MAN1A1: variants seen among roughly 807,000 people sequenced by gnomAD.
The protein encoded by MAN1A1 is mannosyl-oligosaccharide 1,2-alpha-mannosidase IA.
In MAN1A1, 29 loss-of-function variants were observed where a neutral mutation model predicts 70.8. The ratio of observed to expected loss-of-function variants is 0.41; its 90% CI spans 0.31 to 0.56. MAN1A1 has a LOEUF of 0.56. Ranked by LOEUF, MAN1A1 falls within the 20% of genes least tolerant of loss-of-function variation. The pLI is 0.29. For synonymous variants in MAN1A1, 349 were observed against 330.1 expected, an observed-to-expected ratio of 1.06 and a Z score of -0.62; for missense variants, 747 against 841.3, an observed-to-expected ratio of 0.89 and a Z score of 1.39.
chr6:119,297,548 T>C (rs766038895), intron 4 of MAN1A1, among the ~76,000 whole-genome samples: 14 of 152,122 alleles, frequency 9.2e-5, no homozygotes, highest in Non-Finnish European at 1.9e-4. Context: ...AGGCAGACTG[T>C]GTTCAAACCA....
intron 6 of MAN1A1, among the ~76,000 whole-genome samples, chr6:119,234,330 GAA>G (rs1774776923): frequency 6.6e-6 from 1 of 152,204 alleles, no homozygotes; most frequent in South Asian, 2.1e-4. Flanking sequence ...TCTTCCAGAG[GAA>G]AAGTTTCAGG....
intron 7 of MAN1A1, among the ~76,000 whole-genome samples, chr6:119,203,518 G>A (rs1226697803): frequency 6.6e-6 from 1 of 152,054 alleles, no homozygotes; most frequent in Non-Finnish European, 1.5e-5. Flanking sequence ...TACTCTGAGT[G>A]TCATGAGAAG....
At chr6:119,184,592 A>G (rs1205726242) in intron 11 of MAN1A1, among the ~76,000 whole-genome samples, 1 of 152,156 alleles carries the variant, frequency 6.6e-6, no homozygotes, top group East Asian at 1.9e-4. Context: ...AGGAGTAGGA[A>G]GGAGGAAAAG....
chr6:119,318,476 G>A (rs1772913445), intron 2 of MAN1A1, among the ~76,000 whole-genome samples: 1 of 152,200 alleles, frequency 6.6e-6, no homozygotes, highest in Admixed American at 6.5e-5. Flanking sequence ...CAATCTGGGG[G>A]AAACTTGGCT....
intron 6 of MAN1A1, among the ~76,000 whole-genome samples, chr6:119,226,254 A>G (rs1355936290): frequency 6.6e-6 from 1 of 152,206 alleles, no homozygotes; most frequent in Non-Finnish European, 1.5e-5. Flanking sequence ...GAAAGGAGTG[A>G]AAGGAACAGC....
intron 2 of MAN1A1, among the ~76,000 whole-genome samples, chr6:119,343,769 C>T (rs1006412740): frequency 2.0e-5 from 3 of 152,072 alleles, no homozygotes; most frequent in African/African-American, 7.2e-5. Context: ...AGTGGCTGTT[C>T]CTATTTTGAC....
intron 6 of MAN1A1, among the ~76,000 whole-genome samples, chr6:119,218,796 C>A (rs1282120041): frequency 2.6e-5 from 4 of 152,118 alleles, no homozygotes; most frequent in Admixed American, 2.6e-4. Context: ...CTGGTTCACA[C>A]CTGGCACCCT....
intron 5 of MAN1A1, among the ~76,000 whole-genome samples, chr6:119,264,765 T>C (rs911388705): frequency 6.6e-6 from 1 of 152,190 alleles, no homozygotes; most frequent in African/African-American, 2.4e-5. Context: ...CTGTTTTCTC[T>C]TTTCATACAG....
chr6:119,258,545 T>C (rs911796105), intron 5 of MAN1A1, among the ~76,000 whole-genome samples: 1 of 152,154 alleles, frequency 6.6e-6, no homozygotes, highest in African/African-American at 2.4e-5. Context: ...CCATTTTATA[T>C]AAGGTACTTG....
chr6:119,248,944 A>C (rs1775243281), intron 5 of MAN1A1, among the ~76,000 whole-genome samples: 1 of 152,236 alleles, frequency 6.6e-6, no homozygotes, highest in African/African-American at 2.4e-5. Flanking sequence ...GTCTGCCCAG[A>C]GTTTACTAGG....
chr6:119,335,729 G>A (rs1306173683), intron 2 of MAN1A1, among the ~76,000 whole-genome samples: 1 of 152,200 alleles, frequency 6.6e-6, no homozygotes, highest in African/African-American at 2.4e-5. Flanking sequence ...TTGAGCAAGT[G>A]AGAAGACTCT....
chr6:119,299,718 T>C (rs1772332977), intron 4 of MAN1A1, among the ~76,000 whole-genome samples: 1 of 152,196 alleles, frequency 6.6e-6, no homozygotes, highest in South Asian at 2.1e-4. Context: ...TAGTCTGATA[T>C]CCCCTACTAA....
intron 6 of MAN1A1, among the ~76,000 whole-genome samples, chr6:119,235,890 C>T (rs899474722): frequency 2.6e-5 from 4 of 152,164 alleles, no homozygotes; most frequent in African/African-American, 9.7e-5. Context: ...GTAATTCCAG[C>T]ACTTTGGGAG....
At chr6:119,267,704 C>CA (rs1775797202) in intron 5 of MAN1A1, among the ~76,000 whole-genome samples, 2 of 152,150 alleles carry the variant, frequency 1.3e-5, no homozygotes. Context: ...CTCTCTCCCC[C>CA]AAAGTAACCA....
rs117159981 is a variant in MAN1A1 at position 119,227,005 on chromosome 6, A to G, written c.992+21255T>C. Among the ~76,000 whole-genome samples, 907 of 152,276 alleles carry G rather than the reference A, an allele frequency of 6.0e-3. 31 individuals are homozygous for G. The East Asian group carries it at 0.091, about 15-fold the overall frequency. ...ATTTTCATAAGCAGTTTTACTTATG[A>G]TCACTGAAAATTAGAGATAACACAA... On this transcript the variant is annotated intron_variant, in intron 6 of 12. Coordinates refer to ENST00000368468, the MANE Select transcript of MAN1A1 (RefSeq NM_005907.4).
chr6:119,299,706 C>T (rs972401728), intron 4 of MAN1A1, among the ~76,000 whole-genome samples: 1 of 152,208 alleles, frequency 6.6e-6, no homozygotes, highest in South Asian at 2.1e-4. Context: ...TTCTCTTCTA[C>T]ATAGTCTGAT....
intron 6 of MAN1A1, among the ~76,000 whole-genome samples, chr6:119,236,880 T>C (rs1028466121): frequency 4.1e-5 from 6 of 145,254 alleles, no homozygotes; most frequent in South Asian, 2.4e-4. Flanking sequence ...AGAACATTTG[T>C]AATTTATGGG....
chr6:119,278,549 G>GT (rs951456606), intron 5 of MAN1A1, among the ~76,000 whole-genome samples: 2 of 151,286 alleles, frequency 1.3e-5, no homozygotes, highest in South Asian at 2.1e-4. Flanking sequence ...CCGGTACTTA[G>GT]TTTTTTTTTA....
intron 6 of MAN1A1, among the ~76,000 whole-genome samples, chr6:119,235,352 G>A (rs1186320391): frequency 6.6e-6 from 1 of 152,164 alleles, no homozygotes; most frequent in African/African-American, 2.4e-5. Context: ...TGATAAGAAC[G>A]CAAAACAGCC....
Sources: gnomAD v4.1 joint callset for allele counts (sites outside exome capture counted in the v4.1 genomes callset) on GRCh38, gnomAD v4.1.1 for gene constraint, MANE v1.5 for transcripts, NCBI Gene and HGNC (gene_info 2026-07-23, HGNC 2026-07-21) for gene names.